The following DMD variants were observed in gnomAD, a reference collection of about 807,000 sequenced individuals.
DMD encodes the protein dystrophin, also known as mutant dystrophin.
DMD carries 63 observed loss-of-function variants against 330.1 expected under a neutral mutation model. The ratio of observed to expected loss-of-function variants is 0.19; its 90% CI spans 0.16 to 0.24. The LOEUF is 0.24. Among genes scored for constraint, DMD ranks in the 10% least tolerant of loss-of-function variants. The probability of loss-of-function intolerance (pLI) is 1.00; values close to 1 mark genes in which losing one functional copy is unlikely to be tolerated. For missense variants in DMD, 3,344 were observed against 2,684.1 expected, an observed-to-expected ratio of 1.25 and a Z score of -5.43; for synonymous variants, 1,223 against 959.8, an observed-to-expected ratio of 1.27 and a Z score of -5.07.
intron 60 of DMD, among the ~76,000 whole-genome samples, chrX:31,384,884 A>G (rs761909994): frequency 8.9e-6 from 1 of 112,503 alleles, no homozygotes; most frequent in East Asian, 2.8e-4. Context: ...CATTCTTTCA[A>G]CGATGTGCGT....
chrX:31,181,531 C>T (rs1480326443), intron 68 of DMD, among the ~76,000 whole-genome samples: 1 of 110,634 alleles, frequency 9.0e-6, no homozygotes, highest in African/African-American at 3.3e-5. Flanking sequence ...TGTGGCTTCC[C>T]TTCCCCACTC....
intron 29 of DMD, among the ~76,000 whole-genome samples, chrX:32,422,482 G>A (rs967293675): frequency 2.7e-5 from 3 of 111,377 alleles, no homozygotes; most frequent in African/African-American, 9.8e-5. Context: ...AAAATAACAG[G>A]TAAGAAAATG....
intron 50 of DMD, among the ~76,000 whole-genome samples, chrX:31,775,281 T>C (rs976659248): frequency 2.7e-5 from 3 of 111,274 alleles, no homozygotes; most frequent in Non-Finnish European, 5.6e-5. Context: ...AGGTGATCAA[T>C]AGTGTTAGGT....
At chrX:32,870,980 A>AAAAGAAAG (rs1557104334) in intron 2 of DMD, among the ~76,000 whole-genome samples, 11 of 37,207 alleles carry the variant, frequency 3.0e-4, no homozygotes, top group African/African-American at 9.5e-4. Context: ...AAAAAAAAAA[A>AAAAGAAAG]AAAAAAAACC....
intron 1 of DMD, among the ~76,000 whole-genome samples, chrX:33,160,747 A>T (rs1344704206): frequency 1.8e-5 from 2 of 111,722 alleles, no homozygotes; most frequent in African/African-American, 6.5e-5. Context: ...AGTAGATATC[A>T]CGTGTTTACT....
intron 11 of DMD, among the ~76,000 whole-genome samples, chrX:32,615,438 G>C (rs1291681834): frequency 1.8e-5 from 2 of 111,085 alleles, no homozygotes; most frequent in Non-Finnish European, 3.8e-5. Context: ...TTTATGTTGA[G>C]GATGAAAACA....
chrX:32,353,503 G>T (rs2097788735), intron 37 of DMD, among the ~76,000 whole-genome samples: 1 of 111,199 alleles, frequency 9.0e-6, no homozygotes, highest in African/African-American at 3.2e-5. Context: ...TAATTATTGG[G>T]TAAGTTACTT....
chrX:32,124,964 T>TAA (rs369743779), intron 44 of DMD, among the ~76,000 whole-genome samples: 5 of 77,499 alleles, frequency 6.5e-5, no homozygotes, highest in Admixed American at 1.5e-4. Context: ...TAGAGAAATC[T>TAA]AAAAAAAAAA....
chrX:32,331,996 G>C (rs1451477559), intron 41 of DMD, among the ~76,000 whole-genome samples: 1 of 111,008 alleles, frequency 9.0e-6, no homozygotes, highest in Non-Finnish European at 1.9e-5. Context: ...TTAAACCTCA[G>C]TTTTCTATTT....
chrX:31,164,951 G>C (rs1248193075), intron 74 of DMD, among the ~76,000 whole-genome samples: 2 of 111,361 alleles, frequency 1.8e-5, no homozygotes, highest in Non-Finnish European at 3.8e-5. Context: ...TCCTCACCCT[G>C]ACACCTTTGT....
chrX:33,338,633 A>G (rs1260886790), intron 1 of DMD, among the ~76,000 whole-genome samples: 1 of 111,283 alleles, frequency 9.0e-6, no homozygotes, highest in African/African-American at 3.3e-5. Flanking sequence ...GTCGACATCA[A>G]CTTGGCAAAA....
intron 55 of DMD, among the ~76,000 whole-genome samples, chrX:31,587,679 CT>C (rs1713670778): frequency 9.0e-6 from 1 of 111,463 alleles, no homozygotes; most frequent in South Asian, 3.8e-4. Flanking sequence ...GTTAACTCCT[CT>C]CACTTAGCTC....
intron 41 of DMD, among the ~76,000 whole-genome samples, chrX:32,337,364 C>T (rs764087630): frequency 1.8e-5 from 2 of 108,224 alleles, no homozygotes; most frequent in Non-Finnish European, 3.8e-5. Context: ...TTGAGATGCT[C>T]ATTAGGCATC....
At chrX:31,245,318 T>C (rs2048727498) in intron 63 of DMD, among the ~76,000 whole-genome samples, 1 of 112,023 alleles carries the variant, frequency 8.9e-6, no homozygotes, top group Non-Finnish European at 1.9e-5. Flanking sequence ...CATCTGTATC[T>C]TTCCATCTTC....
At chrX:33,301,805 C>T (rs1276452063) in intron 1 of DMD, among the ~76,000 whole-genome samples, 1 of 111,415 alleles carries the variant, frequency 9.0e-6, no homozygotes, top group African/African-American at 3.3e-5. Context: ...TAGGGCTCTG[C>T]CCTCATGATT....
intron 44 of DMD, among the ~76,000 whole-genome samples, chrX:32,051,048 A>AATC (rs1327500830): frequency 7.8e-5 from 8 of 102,834 alleles, no homozygotes; most frequent in Non-Finnish European, 1.2e-4. Flanking sequence ...TCCTGGGCTC[A>AATC]ATCGATAATC....
intron 7 of DMD, among the ~76,000 whole-genome samples, chrX:32,798,389 G>T (rs1447133812): frequency 9.0e-6 from 1 of 111,653 alleles, no homozygotes; most frequent in Non-Finnish European, 1.9e-5. Context: ...AGAACACACT[G>T]GAATACTCTC....
rs182245581 is a variant in DMD, at chrX:33,068,789, T to G, written c.32-48589A>C. Among the ~76,000 whole-genome samples, 5 of 112,470 alleles carry G rather than the reference T, an allele frequency of 4.4e-5. No homozygotes were observed. The East Asian group carries it at 1.4e-3, about 32-fold the overall frequency. Reference sequence around the variant, plus strand: ...AGGAGCAGAGAAAATAACTCAAATATGGTTTACTTAGGTATGGGAGGTGAA... The same window carrying G: ...AGGAGCAGAGAAAATAACTCAAATAGGGTTTACTTAGGTATGGGAGGTGAA... On this transcript the variant is annotated intron_variant, in intron 1 of 78. Coordinates refer to ENST00000357033, the MANE Select transcript of DMD (RefSeq NM_004006.3).
At chrX:32,497,931 C>A (rs540194571) in intron 19 of DMD, among the ~76,000 whole-genome samples, 2 of 111,444 alleles carry the variant, frequency 1.8e-5, no homozygotes, top group African/African-American at 6.5e-5. Flanking sequence ...AGATTACTTA[C>A]TATATTTAAT....
Sources: gnomAD v4.1 joint callset for allele counts (sites outside exome capture counted in the v4.1 genomes callset) on GRCh38, gnomAD v4.1.1 for gene constraint, MANE v1.5 for transcripts, NCBI Gene and HGNC (gene_info 2026-07-23, HGNC 2026-07-21) for gene names.